PDZD2: variants seen among roughly 807,000 people sequenced by gnomAD.
PDZD2 encodes the protein PDZ domain-containing protein 2.
Under a neutral mutation model 220.7 loss-of-function variants are expected in PDZD2, and 90 were observed. The ratio of observed to expected loss-of-function variants is 0.41; its 90% CI spans 0.34 to 0.49. PDZD2 has a LOEUF of 0.49. Ranked by LOEUF, PDZD2 falls within the 20% of genes least tolerant of loss-of-function variation. The pLI, the probability that PDZD2 is intolerant of heterozygous loss-of-function variation, is 0.28. For synonymous variants in PDZD2, 1,375 were observed against 1,450.5 expected, an observed-to-expected ratio of 0.95 and a Z score of 1.18; for missense variants, 3,174 against 3,608.5, an observed-to-expected ratio of 0.88 and a Z score of 3.08.
chr5:31,805,033 C>T (rs1402671639), intron 2 of PDZD2, among the ~76,000 whole-genome samples: 1 of 151,992 alleles, frequency 6.6e-6, no homozygotes, highest in Non-Finnish European at 1.5e-5. Flanking sequence ...GCCTCTACTA[C>T]AAATACAAAA....
rs1375688425 is a variant in PDZD2 at position 31,689,330 on chromosome 5, C to CATATGCATATATAT, written c.-361+49897_-361+49898insGCATATATATATAT. 1.7e-3 allele frequency among the ~76,000 whole-genome samples: 101 copies of CATATGCATATATAT among 58,558 alleles called. 11 individuals carry two copies. The highest frequency in any genetic ancestry group is 2.6e-3 in the African/African-American group (26 of 9,812). 38.4% of individuals were successfully genotyped at this position (58,558 alleles called of 152,430 possible). On this transcript the variant is annotated intron_variant, in intron 1 of 24. Transcript: ENST00000438447. Reference sequence around the variant, plus strand: ...ATACATACATATACACATATATATACATATACATATATATATATATATATT... The same window carrying CATATGCATATATAT: ...ATACATACATATACACATATATATACATATGCATATATATATATACATATATATATATATATATT...
chr5:32,002,920 CACACA>C (rs1561314420), intron 5 of PDZD2, among the ~76,000 whole-genome samples: 41 of 121,748 alleles, frequency 3.4e-4, no homozygotes, highest in African/African-American at 1.1e-3. Flanking sequence ...ACACACACAC[CACACA>C]CACCTCACAC....
intron 14 of PDZD2, among the ~76,000 whole-genome samples, chr5:32,067,093 A>T (rs2112368843): frequency 6.6e-6 from 1 of 152,320 alleles, no homozygotes. Flanking sequence ...TGCCAATGGT[A>T]CATTTTGATA....
chr5:31,943,410 G>A lies in PDZD2; in HGVS notation c.477-39745G>A, dbSNP rs552125853. Among the ~76,000 whole-genome samples, 3 of 152,284 alleles carry A rather than the reference G, an allele frequency of 2.0e-5. No individual in the cohort carries two copies. The South Asian group carries it at 6.2e-4, about 32-fold the overall frequency. On this transcript the variant is annotated intron_variant, in intron 2 of 24. Transcript: ENST00000438447. The stretch of plus-strand genomic sequence containing the variant: ...GGGAACCGTTCAGAACTCAGCATCA[G>A]TAGTTTGTAGTAAATCCACATTGGT...
At chr5:32,028,926 G>A (rs1322402960) in intron 6 of PDZD2, among the ~76,000 whole-genome samples, 1 of 152,006 alleles carries the variant, frequency 6.6e-6, no homozygotes, top group Non-Finnish European at 1.5e-5. Context: ...CAAGTGATCC[G>A]CCTGCCTTGG....
At chr5:31,830,526 A>T (rs902738323) in intron 2 of PDZD2, among the ~76,000 whole-genome samples, 5 of 151,794 alleles carry the variant, frequency 3.3e-5, no homozygotes, top group African/African-American at 4.8e-5. Context: ...TTCAACTTTT[A>T]AAAAATTATG....
At chr5:31,771,906 A>AT (rs571039874) in intron 1 of PDZD2, among the ~76,000 whole-genome samples, 253 of 151,922 alleles carry the variant, frequency 1.7e-3, no homozygotes, top group African/African-American at 5.9e-3. Context: ...TAGATGAGAG[A>AT]TTTTCAAATA....
At chr5:31,705,713 A>C (rs1227132284) in intron 1 of PDZD2, among the ~76,000 whole-genome samples, 1 of 152,232 alleles carries the variant, frequency 6.6e-6, no homozygotes, top group Admixed American at 6.5e-5. Flanking sequence ...ATCAGGGCAA[A>C]GAGAAAGTAT....
chr5:31,941,621 GT>G (rs2150403155), intron 2 of PDZD2, among the ~76,000 whole-genome samples: 1 of 152,338 alleles, frequency 6.6e-6, no homozygotes, highest in East Asian at 1.9e-4. Flanking sequence ...GCTGTGAAAT[GT>G]ACGTACTTGG....
intron 1 of PDZD2, among the ~76,000 whole-genome samples, chr5:31,700,544 G>A (rs1747566823): frequency 6.6e-6 from 1 of 152,204 alleles, no homozygotes; most frequent in Non-Finnish European, 1.5e-5. Context: ...GTTCAGGCCA[G>A]GGTTGCCGCA....
chr5:32,090,753 C>T lies in PDZD2; in HGVS notation c.7305C>T (p.Ser2435=), dbSNP rs747385830. The stretch of plus-strand genomic sequence containing the variant: ...GGCAGAACCCACCAGAGACCAGTAG[C>T]AAGGGCTCTGATTCGGAACTAAAGA... ...ISRQNPPETS[S]KGSDSELKKS... The change falls in exon 20 of 25, where the codon AGC becomes AGT. Residue 2435 remains serine, a synonymous_variant. Transcript: ENST00000438447. The surrounding 1 kb of genome is among the most constrained non-coding windows in gnomAD (Gnocchi z 4.3). 1.2e-6 allele frequency: 2 copies of T among 1,614,110 alleles called. No individual in the cohort carries two copies. Among genetic ancestry groups the T allele is most frequent in the Non-Finnish European group, 1.7e-6 (2 of 1,179,994 alleles).
intron 1 of PDZD2, among the ~76,000 whole-genome samples, chr5:31,694,809 T>G (rs1747311423): frequency 7.7e-6 from 1 of 129,978 alleles, no homozygotes; most frequent in African/African-American, 2.6e-5. Context: ...TTTTTTTTTG[T>G]GAAAGCAAGT....
intron 2 of PDZD2, chr5:31,847,743 G>T: frequency 1.7e-6 from 1 of 594,572 alleles, no homozygotes; most frequent in South Asian, 1.4e-5. Context: ...ATACAGTTTT[G>T]GAGGCCCTGA....
At chr5:31,728,195 T>C (rs1288478017) in intron 1 of PDZD2, among the ~76,000 whole-genome samples, 1 of 151,968 alleles carries the variant, frequency 6.6e-6, no homozygotes, top group African/African-American at 2.4e-5. Flanking sequence ...CTGGCCTCTA[T>C]GCACTAGATG....
intron 2 of PDZD2, among the ~76,000 whole-genome samples, chr5:31,890,994 C>T (rs140558302): frequency 9.8e-4 from 150 of 152,300 alleles, no homozygotes; most frequent in East Asian, 9.3e-3. Context: ...CGTATTAACA[C>T]GCCCCTTGCC....
At chr5:31,761,318 A>G (rs1451840267) in intron 1 of PDZD2, among the ~76,000 whole-genome samples, 2 of 152,220 alleles carry the variant, frequency 1.3e-5, no homozygotes, top group Non-Finnish European at 2.9e-5. Context: ...GGGAGGATCC[A>G]GATTCTTCCA....
intron 14 of PDZD2, 120 bp downstream of exon 14, chr5:32,061,254 A>T: frequency 1.3e-6 from 1 of 779,402 alleles, no homozygotes. Flanking sequence ...CGGGTGGTTC[A>T]TGTGGGAAAT....
intron 1 of PDZD2, among the ~76,000 whole-genome samples, chr5:31,705,861 C>A (rs1747797893): frequency 6.6e-6 from 1 of 152,164 alleles, no homozygotes; most frequent in African/African-American, 2.4e-5. Flanking sequence ...ACCAGCCTGG[C>A]CAACATGGCG....
intron 2 of PDZD2, among the ~76,000 whole-genome samples, chr5:31,921,583 A>G (rs1370619636): frequency 2.0e-5 from 3 of 152,090 alleles, no homozygotes; most frequent in Admixed American, 6.6e-5. Context: ...CCGGGTACTC[A>G]GGAGGCTGAG....
Sources: allele counts gnomAD v4.1 joint callset (sites outside exome capture counted in the v4.1 genomes callset), GRCh38; gene constraint gnomAD v4.1.1; non-coding constraint Gnocchi (gnomAD v3.1); transcripts MANE v1.5; gene names NCBI Gene and HGNC (gene_info 2026-07-23, HGNC 2026-07-21).